The following DPH6 variants were observed in gnomAD, a reference collection of about 807,000 sequenced individuals.
DPH6 encodes diphthamine biosynthesis 6.
Under a neutral mutation model 38.2 loss-of-function variants are expected in DPH6, and 33 were observed. The observed-to-expected ratio is 0.86, with a 90% CI of 0.65 to 1.15. The LOEUF is 1.15. Among genes scored for constraint, DPH6 ranks in the 50% most tolerant of loss-of-function variants. The pLI, the probability that DPH6 is intolerant of heterozygous loss-of-function variation, is 0.00. For synonymous variants in DPH6, 108 were observed against 103.0 expected, an observed-to-expected ratio of 1.05 and a Z score of -0.30; for missense variants, 325 against 320.0, an observed-to-expected ratio of 1.02 and a Z score of -0.12.
At chr15:35,414,133 GCTCA>G (rs2053406934) in intron 5 of DPH6, among the ~76,000 whole-genome samples, 1 of 151,510 alleles carries the variant, frequency 6.6e-6, no homozygotes, top group Non-Finnish European at 1.5e-5. Context: ...CAATGTTTAT[GCTCA>G]CTATTGTTTC....
chr15:35,494,617 A>G (rs925405748), intron 3 of DPH6, among the ~76,000 whole-genome samples: 5 of 152,094 alleles, frequency 3.3e-5, no homozygotes, highest in African/African-American at 1.2e-4. Context: ...TTCAAATTTC[A>G]TAGAAACTAA....
At chr15:35,369,498 T>C (rs2052691039), downstream of DPH6, among the ~76,000 whole-genome samples, 1 of 151,618 alleles carries the variant, frequency 6.6e-6, no homozygotes, top group South Asian at 2.1e-4. Context: ...TTCTCTACCA[T>C]GTGGGTTAGT....
Position 35,496,567 on chromosome 15 carries a change from A to AAATATATATATATATAT in DPH6, c.312+41706_312+41707insATATATATATATATATT. On this transcript the variant is annotated intron_variant, in intron 3 of 8. Transcript: ENST00000256538. ...GAAAGTTCCATCTCAAAAAAAAAAA[A>AAATATATATATATATAT]ATATATATATATATATATATATATC... 2.1e-3 allele frequency among the ~76,000 whole-genome samples: 66 copies of AAATATATATATATATAT among 30,996 alleles called. 1 individual carries two copies. Among genetic ancestry groups the AAATATATATATATATAT allele is most frequent in the South Asian group, 2.9e-3 (1 of 340 alleles). 20.3% of individuals were successfully genotyped at this position (30,996 alleles called of 152,430 possible).
intron 3 of DPH6, among the ~76,000 whole-genome samples, chr15:35,476,202 C>G (rs1425931057): frequency 1.3e-5 from 2 of 151,836 alleles, no homozygotes; most frequent in Non-Finnish European, 2.9e-5. Context: ...CTAACAATGA[C>G]TAGCTGTGGG....
At chr15:35,470,320 C>T (rs533856901) in intron 3 of DPH6, among the ~76,000 whole-genome samples, 4 of 151,788 alleles carry the variant, frequency 2.6e-5, no homozygotes, top group African/African-American at 4.8e-5. Flanking sequence ...GGTTTTAAAG[C>T]GCAGAGTCTA....
At chr15:35,192,410 C>T in the DPH6 span, among the ~76,000 whole-genome samples, 18 of 152,266 alleles carry the variant, frequency 1.2e-4, no homozygotes, top group African/African-American at 3.8e-4. Flanking sequence ...TCCTTTGACC[C>T]TAACTTGCCT....
intron 2 of DPH6, 143 bp downstream of exon 2, chr15:35,542,270 C>A (rs563554277): frequency 1.7e-6 from 1 of 594,896 alleles, no homozygotes; most frequent in South Asian, 3.5e-5. Context: ...ATGCTAAGTT[C>A]TAGGTGGAAA....
chr15:35,330,235 G>A (rs1037669707), downstream of DPH6, among the ~76,000 whole-genome samples: 12 of 152,076 alleles, frequency 7.9e-5, no homozygotes, highest in African/African-American at 2.9e-4. Context: ...CAAATGTGAA[G>A]ATTTTATGGG....
In DPH6 at chr15:35,283,756, G is replaced by GCACACACACACA. The variant is rs757887783; in HGVS notation, n.201-63175_201-63174insTGTGTGTGTGTG. 7.3e-5 allele frequency among the ~76,000 whole-genome samples: 9 copies of GCACACACACACA among 123,652 alleles called. No homozygotes were observed. In the South Asian group the frequency reaches 1.5e-3, roughly 21 times the overall value. 81.1% of individuals were successfully genotyped at this position (123,652 alleles called of 152,430 possible). ...TTACTTTTTTCATTGGGCACAGATA[G>GCACACACACACA]TACACACACACACACACACACACAC... On this transcript the variant is annotated intron_variant and non_coding_transcript_variant, in intron 3 of 3. Transcript: ENST00000560386.
intron 5 of DPH6, among the ~76,000 whole-genome samples, chr15:35,428,899 TA>T (rs2053600406): frequency 6.6e-6 from 1 of 152,128 alleles, no homozygotes; most frequent in Admixed American, 6.6e-5. Flanking sequence ...CTTTCCCTTT[TA>T]CAAAAAGCAA....
intron 6 of DPH6, chr15:35,401,908 A>G: frequency 2.3e-6 from 1 of 428,934 alleles, no homozygotes; most frequent in Non-Finnish European, 4.4e-6. Flanking sequence ...CATGCTTTAG[A>G]CAAATACTCA....
At chr15:35,539,330 T>C (rs2055217846) in intron 2 of DPH6, among the ~76,000 whole-genome samples, 2 of 152,074 alleles carry the variant, frequency 1.3e-5, no homozygotes, top group Admixed American at 6.6e-5. Flanking sequence ...ATGCAGCCAT[T>C]AATATAATGT....
intron 3 of DPH6, among the ~76,000 whole-genome samples, chr15:35,337,869 A>G (rs897337463): frequency 1.3e-5 from 2 of 152,088 alleles, no homozygotes; most frequent in African/African-American, 4.8e-5. Flanking sequence ...GCCCTCAGAA[A>G]TAATGCCACA....
chr15:35,387,062 C>A (rs1378607620), intron 6 of DPH6, among the ~76,000 whole-genome samples: 1 of 152,206 alleles, frequency 6.6e-6, no homozygotes, highest in Non-Finnish European at 1.5e-5. Context: ...CTACATGTAG[C>A]TAGCCAGTTT....
chr15:35,167,050 C>A, the DPH6 span, among the ~76,000 whole-genome samples: 5 of 151,994 alleles, frequency 3.3e-5, no homozygotes, highest in Non-Finnish European at 7.4e-5. Context: ...ACAACCTCTG[C>A]CTCACTATAT....
the DPH6 span, among the ~76,000 whole-genome samples, chr15:35,197,422 C>T: frequency 2.6e-5 from 4 of 151,978 alleles, no homozygotes; most frequent in Non-Finnish European, 4.4e-5. Context: ...GTAGACATTC[C>T]ATGGCTTTTT....
intron 5 of DPH6, among the ~76,000 whole-genome samples, chr15:35,415,480 C>G (rs1238115870): frequency 6.6e-6 from 1 of 151,944 alleles, no homozygotes; most frequent in Non-Finnish European, 1.5e-5. Context: ...TCTTTTAATT[C>G]GTTGCAGAGT....
At chr15:35,262,592 G>C (rs2051754903) in intron 3 of DPH6, among the ~76,000 whole-genome samples, 1 of 151,242 alleles carries the variant, frequency 6.6e-6, no homozygotes, top group Non-Finnish European at 1.5e-5. Context: ...TGTAGTCCCA[G>C]CTACTGGAGA....
intron 3 of DPH6, among the ~76,000 whole-genome samples, chr15:35,305,695 C>T (rs1372292020): frequency 6.6e-6 from 1 of 152,040 alleles, no homozygotes; most frequent in Non-Finnish European, 1.5e-5. Context: ...ATACATATCT[C>T]TAATAAAGAT....
Sources: allele counts gnomAD v4.1 joint callset (sites outside exome capture counted in the v4.1 genomes callset), GRCh38; gene constraint gnomAD v4.1.1; transcripts MANE v1.5; gene names NCBI Gene and HGNC (gene_info 2026-07-23, HGNC 2026-07-21).